Variants in PCSK5 observed in about 807,000 individuals in gnomAD.
The protein encoded by PCSK5 is prohormone convertase 5.
In PCSK5, 129 loss-of-function variants were observed where a neutral mutation model predicts 233.2. The observed-to-expected ratio is 0.55, with a 90% CI of 0.48 to 0.64. The LOEUF (loss-of-function observed/expected upper bound fraction) is 0.64, where lower values mean the gene tolerates loss of function less well. Among genes scored for constraint, PCSK5 ranks in the 30% least tolerant of loss-of-function variants. The pLI is 0.00. For missense variants in PCSK5, 2,076 were observed against 2,430.1 expected (o/e 0.85, Z 3.06); for synonymous variants, 825 against 879.2 (o/e 0.94, Z 1.09).
chr9:76,233,371 C>T (rs999564509), intron 21 of PCSK5, 89 bp from the exon 22 acceptor site: 17 of 1,321,130 alleles, frequency 1.3e-5, no homozygotes, highest in Non-Finnish European at 1.8e-5. Flanking sequence ...TCAAATCTGT[C>T]CAGCAAACAT....
intron 22 of PCSK5, among the ~76,000 whole-genome samples, chr9:76,234,960 C>T (rs562798829): frequency 2.0e-5 from 3 of 152,284 alleles, no homozygotes; most frequent in Admixed American, 6.5e-5. Context: ...GCCCTAACCT[C>T]CTTGCCTAGA....
chr9:75,965,732 A>C (rs1825556357), intron 2 of PCSK5, among the ~76,000 whole-genome samples: 1 of 152,214 alleles, frequency 6.6e-6, no homozygotes, highest in Non-Finnish European at 1.5e-5. Flanking sequence ...TAATTATCAT[A>C]CTGCCTATTG....
chr9:75,962,602 A>C (rs2131346580), intron 2 of PCSK5, among the ~76,000 whole-genome samples: 1 of 152,308 alleles, frequency 6.6e-6, no homozygotes, highest in Non-Finnish European at 1.5e-5. Flanking sequence ...GTGCAGCCTA[A>C]CCTTGAAAAG....
intron 20 of PCSK5, among the ~76,000 whole-genome samples, chr9:76,211,315 GC>G (rs1825322625): frequency 6.6e-6 from 1 of 152,166 alleles, no homozygotes; most frequent in Admixed American, 6.5e-5. Flanking sequence ...CCTGGGTATT[GC>G]TTTGCCTTTA....
intron 20 of PCSK5, among the ~76,000 whole-genome samples, chr9:76,199,358 T>C (rs765968265): frequency 9.9e-5 from 15 of 152,236 alleles, no homozygotes; most frequent in Non-Finnish European, 1.6e-4. Context: ...TATAATCTTA[T>C]GGGACCACTG....
intron 1 of PCSK5, among the ~76,000 whole-genome samples, chr9:75,927,135 CTTG>C (rs1823528200): frequency 6.6e-6 from 1 of 152,112 alleles, no homozygotes; most frequent in Non-Finnish European, 1.5e-5. Flanking sequence ...TATTGCCTGT[CTTG>C]TTAATGTTAG....
chr9:76,220,158 C>T (rs1040804289), intron 20 of PCSK5, among the ~76,000 whole-genome samples: 9 of 152,314 alleles, frequency 5.9e-5, no homozygotes, highest in Admixed American at 1.3e-4. Context: ...CCACCAACAA[C>T]GTTTTTCATG....
At chr9:75,992,111 A>G (rs1826791712) in intron 3 of PCSK5, among the ~76,000 whole-genome samples, 1 of 152,106 alleles carries the variant, frequency 6.6e-6, no homozygotes, top group Non-Finnish European at 1.5e-5. Flanking sequence ...TCATAAATAA[A>G]CATTGAAATG....
intron 15 of PCSK5, among the ~76,000 whole-genome samples, chr9:76,180,635 C>A (rs80023722): frequency 0.14 from 21,831 of 152,078 alleles, 1,731 homozygotes; most frequent in Middle Eastern, 0.19. Flanking sequence ...CCTCCTCCTT[C>A]AGGCGAAAAC....
At chr9:76,199,047 T>A (rs1422228889) in intron 20 of PCSK5, among the ~76,000 whole-genome samples, 1 of 152,202 alleles carries the variant, frequency 6.6e-6, no homozygotes, top group Non-Finnish European at 1.5e-5. Flanking sequence ...ACAAAGTGGA[T>A]CATGTCAAAC....
chr9:75,999,736 T>A (rs1397448310), intron 3 of PCSK5, among the ~76,000 whole-genome samples: 3 of 152,238 alleles, frequency 2.0e-5, no homozygotes, highest in South Asian at 4.1e-4. Context: ...ATTTTGTTTA[T>A]GGCCAGTTTT....
At chr9:76,006,764 T>G (rs942083639) in intron 3 of PCSK5, among the ~76,000 whole-genome samples, 9 of 152,198 alleles carry the variant, frequency 5.9e-5, no homozygotes, top group African/African-American at 2.2e-4. Flanking sequence ...AGAAAGGGCT[T>G]GTAAGTGCAG....
In PCSK5 at chr9:76,233,530, C is replaced by A. The variant is rs755742720; in HGVS notation, c.2800C>A (p.Pro934Thr). 6.2e-7 allele frequency: 1 copy of A among 1,612,560 alleles called. No homozygotes were observed. Among genetic ancestry groups the A allele is most frequent in the East Asian group, 2.2e-5 (1 of 44,868 alleles). The change falls in exon 22 of 38, where the codon CCA becomes ACA. Residue 934 changes from proline (P) to threonine (T), a missense_variant. Physicochemically the swap from Pro to Thr is conservative, Grantham distance 38. Around this residue, in one of 6 missense-constraint regions of PCSK5, gnomAD observed 1,510 missense variants for 1,538.1 expected, o/e 0.98. Coordinates refer to ENST00000674117, the MANE Select transcript of PCSK5 (RefSeq NM_001372043.1). ...ATTTGAATTTGAGAACCAATGCCATCCATGCCACCACACCTGCCAGAGATG... is the reference window on the plus strand; with the variant it reads ...ATTTGAATTTGAGAACCAATGCCATACATGCCACCACACCTGCCAGAGATG... ...WKFEFENQCHPCHHTCQRCQG... is the reference protein window; with the variant it reads ...WKFEFENQCHTCHHTCQRCQG...
At chr9:76,039,089 G>A (rs1218178200) in intron 5 of PCSK5, among the ~76,000 whole-genome samples, 1 of 152,140 alleles carries the variant, frequency 6.6e-6, no homozygotes, top group Admixed American at 6.6e-5. Flanking sequence ...ATTTCGGTAA[G>A]CAATTGCAAA....
intron 9 of PCSK5, among the ~76,000 whole-genome samples, chr9:76,123,866 G>C (rs990656): frequency 0.47 from 71,532 of 151,978 alleles, 17,238 homozygotes; most frequent in Admixed American, 0.52. Context: ...TTTTAAATCA[G>C]TTCAACTGTT....
chr9:75,952,458 A>G (rs1227429518), intron 2 of PCSK5, among the ~76,000 whole-genome samples: 1 of 152,174 alleles, frequency 6.6e-6, no homozygotes, highest in Non-Finnish European at 1.5e-5. Context: ...GAAAATTTAA[A>G]TCAGGTTTAA....
At chr9:76,004,087 C>G (rs749591891) in intron 3 of PCSK5, among the ~76,000 whole-genome samples, 2 of 152,128 alleles carry the variant, frequency 1.3e-5, no homozygotes, top group African/African-American at 2.4e-5. Context: ...CATGAAACAC[C>G]GTGTCCAGCT....
intron 5 of PCSK5, among the ~76,000 whole-genome samples, chr9:76,063,348 T>TTTTTTTTA (rs1564004101): frequency 2.2e-5 from 2 of 90,714 alleles, no homozygotes; most frequent in Non-Finnish European, 4.6e-5. Context: ...TTTTTTTTTT[T>TTTTTTTTA]ATTGATAATT....
At chr9:76,269,371 T>C (rs538299725) in intron 24 of PCSK5, among the ~76,000 whole-genome samples, 1 of 152,312 alleles carries the variant, frequency 6.6e-6, no homozygotes, top group African/African-American at 2.4e-5. Flanking sequence ...CCAGGAAAGA[T>C]GATCACGATA....
Sources: allele counts gnomAD v4.1 joint callset (sites outside exome capture counted in the v4.1 genomes callset), GRCh38; gene constraint gnomAD v4.1.1; regional missense constraint gnomAD v4.1.1; transcripts MANE v1.5; gene names NCBI Gene and HGNC (gene_info 2026-07-23, HGNC 2026-07-21).